TRIOBP: variants seen among roughly 807,000 people sequenced by gnomAD.
TRIOBP encodes the protein TRIO and F-actin binding protein, also known as TRIO and F-actin-binding protein.
A neutral mutation model predicts 238.8 loss-of-function variants in TRIOBP; 169 were observed. The observed-to-expected ratio is 0.71, with a 90% CI of 0.62 to 0.80. TRIOBP has a LOEUF of 0.80. TRIOBP is among the 30% of genes least tolerant of loss of function. TRIOBP has a pLI of 0.00. For synonymous variants in TRIOBP, 1,150 were observed against 1,274.4 expected (o/e 0.90, Z 2.08); for missense variants, 2,838 against 3,122.6 (o/e 0.91, Z 2.17).
At chr22:37,715,978 GC>G in intron 6 of TRIOBP, 44 bp downstream of exon 6, 1 of 1,608,178 alleles carries the variant, frequency 6.2e-7, no homozygotes, top group Admixed American at 1.7e-5. Context: ...ATGGCCTGGG[GC>G]CCCCCAGATA....
intron 6 of TRIOBP, among the ~76,000 whole-genome samples, chr22:37,719,991 C>CACTGCACTCA (rs1923740437): frequency 2.8e-5 from 1 of 35,722 alleles, no homozygotes; most frequent in Non-Finnish European, 8.1e-5. Context: ...TCACTCATCC[C>CACTGCACTCA]CCCCCGCCCT....
At chr22:37,765,544 C>G in intron 17 of TRIOBP, 126 bp from the exon 18 acceptor site, 2 of 1,276,644 alleles carry the variant, frequency 1.6e-6, no homozygotes, top group Non-Finnish European at 2.2e-6. Context: ...CAGGTGCAGA[C>G]TGGAGGTGCT....
At position 37,715,782 on chromosome 22, in the gene TRIOBP, G is replaced by C. The variant is rs138090314; in HGVS notation, c.476G>C (p.Arg159Thr). 3 of 1,614,068 alleles carry C rather than the reference G, an allele frequency of 1.9e-6. No individual in the cohort carries two copies. The highest frequency in any genetic ancestry group is 2.5e-6 in the Non-Finnish European group (3 of 1,180,022). The change falls in exon 6 of 24, where the codon AGG becomes ACG. Residue 159 changes from arginine (R) to threonine (T), a missense_variant. Coordinates refer to ENST00000644935, the MANE Select transcript of TRIOBP (RefSeq NM_001039141.3). ...SSSVDWDTVE[R>T]QEEEAPSWDE... ...TGGCAGGACTGGGACACTGTTGAGA[G>C]GCAGGAGGAGGAGGCCCCCAGCTGG...
intron 11 of TRIOBP, among the ~76,000 whole-genome samples, chr22:37,748,365 G>C (rs570421330): frequency 6.6e-6 from 1 of 152,252 alleles, no homozygotes; most frequent in East Asian, 1.9e-4. Context: ...AGTGTGTGAG[G>C]CTCCGGGGCT....
rs739138 is a variant in TRIOBP at position 37,726,455 on chromosome 22, A to G, written c.3899A>G (p.His1300Arg). 1,117,594 of 1,561,442 alleles carry G rather than the reference A, an allele frequency of 0.72. 410,177 individuals are homozygous for G. Among genetic ancestry groups the G allele is most frequent in the East Asian group, 0.93 (40,140 of 43,260 alleles). Residue 1300 changes from histidine (H) to arginine (R), a missense_variant, in exon 7 of 24, where the codon CAC becomes CGC. Coordinates refer to ENST00000644935, the MANE Select transcript of TRIOBP (RefSeq NM_001039141.3). The part of the protein sequence containing the change: ...QAQCSSGGRT[H>R]SPGRAEVERL... ...CAGTGCAGCAGCGGGGGCCGCACCC[A>G]CAGCCCTGGCCGTGCAGAGGTGGAG...
At chr22:37,748,740 T>C (rs1012631743) in intron 11 of TRIOBP, among the ~76,000 whole-genome samples, 1 of 152,066 alleles carries the variant, frequency 6.6e-6, no homozygotes, top group Non-Finnish European at 1.5e-5. Flanking sequence ...CAGAGGCCTC[T>C]GAGAGGGGCC....
chr22:37,738,682 G>A lies in TRIOBP; in HGVS notation c.5147G>A (p.Gly1716Asp). The A allele has an allele frequency of 6.2e-7, 1 of 1,613,912 alleles. No homozygotes were observed. Residue 1716 changes from glycine to aspartate, a missense_variant, in exon 10 of 24, where the codon GGC becomes GAC. Transcript: ENST00000644935. The stretch of plus-strand genomic sequence containing the variant: ...CCTGAGGAGTCAGAACCAAGCAGAG[G>A]CCAAGACCCCCTGACTGACCAGAAG... Reference protein sequence around the residue: ...EEPEESEPSRGQDPLTDQKQA... With the variant: ...EEPEESEPSRDQDPLTDQKQA...
chr22:37,737,731 G>T (rs1254677494), intron 9 of TRIOBP, among the ~76,000 whole-genome samples: 4 of 150,982 alleles, frequency 2.6e-5, no homozygotes, highest in African/African-American at 9.8e-5. Context: ...CTCCGGATTT[G>T]CCTCATTGGT....
In TRIOBP at chr22:37,734,394, C is replaced by T; in HGVS notation, c.4063-5C>T. 3 of 1,612,452 alleles carry T rather than the reference C, an allele frequency of 1.9e-6. No individual in the cohort carries two copies. The highest frequency in any genetic ancestry group is 2.5e-6 in the Non-Finnish European group (3 of 1,179,538). On this transcript the variant is annotated splice_region_variant and splice_polypyrimidine_tract_variant and intron_variant, in intron 8 of 23. Coordinates refer to ENST00000644935, the MANE Select transcript of TRIOBP (RefSeq NM_001039141.3). ...GCCTCACCTACCCCCTCACCTCATCCCCAGGTGACCATGCTCCCTGCCAAA... is the reference window on the plus strand; with the variant it reads ...GCCTCACCTACCCCCTCACCTCATCTCCAGGTGACCATGCTCCCTGCCAAA...
Position 37,710,564 on chromosome 22 carries a change from G to A in TRIOBP, c.252G>A (p.Lys84=). The change falls in exon 4 of 24, where the codon AAG becomes AAA. Residue 84 remains lysine, a splice_region_variant and synonymous_variant. Coordinates refer to ENST00000644935, the MANE Select transcript of TRIOBP (RefSeq NM_001039141.3). ...ACCCAGGCCTCAGGCCAGGGCCCAA[G>A]AGGTGGGTAGAGTCCCAGGGCCCAG... The part of the protein sequence containing the change: ...VVDPGLRPGP[K]RGPSPSAGLP... 6.2e-7 allele frequency: 1 copy of A among 1,609,516 alleles called. No homozygotes were observed. Among genetic ancestry groups the A allele is most frequent in the Admixed American group, 1.7e-5 (1 of 59,920 alleles).
In TRIOBP at chr22:37,768,120, G is replaced by A; in HGVS notation, c.6519G>A (p.Glu2173=). Residue 2173 remains glutamate (E), a synonymous_variant, in exon 19 of 24, where the codon GAG becomes GAA. Transcript: ENST00000644935. ...KKAYQEELSR[E]LSKTRSLQQG... ...CCTACCAGGAAGAGCTGAGCCGAGA[G>A]CTGAGCAAAACACGGAGTCTCCAGC... 6.2e-7 allele frequency: 1 copy of A among 1,613,780 alleles called. No individual in the cohort carries two copies. The highest frequency in any genetic ancestry group is 8.5e-7 in the Non-Finnish European group (1 of 1,179,848).
chr22:37,712,732 G>A (rs1180916131), intron 4 of TRIOBP, among the ~76,000 whole-genome samples: 4 of 151,724 alleles, frequency 2.6e-5, no homozygotes, highest in Admixed American at 2.6e-4. Context: ...CGAGACGGGC[G>A]GATCACGAGG....
At chr22:37,726,575 G>A in intron 7 of TRIOBP, 72 bp downstream of exon 7, 1 of 1,373,760 alleles carries the variant, frequency 7.3e-7, no homozygotes, top group Non-Finnish European at 9.5e-7. Flanking sequence ...GAAGGGTTAG[G>A]GTGCCAAAAG....
chr22:37,770,667 G>A (rs970495063), intron 21 of TRIOBP, among the ~76,000 whole-genome samples: 2 of 150,952 alleles, frequency 1.3e-5, no homozygotes, highest in Admixed American at 6.6e-5. Context: ...GTGAGCCACC[G>A]TGCCCAGCCG....
intron 6 of TRIOBP, among the ~76,000 whole-genome samples, chr22:37,716,802 G>T (rs749393945): frequency 6.6e-5 from 10 of 152,252 alleles, no homozygotes; most frequent in Non-Finnish European, 1.3e-4. Context: ...CTAGATCAAA[G>T]ATGCAAAGGA....
intron 6 of TRIOBP, among the ~76,000 whole-genome samples, chr22:37,717,980 G>T (rs1258868468): frequency 1.3e-5 from 2 of 152,226 alleles, no homozygotes; most frequent in Non-Finnish European, 2.9e-5. Flanking sequence ...CCCGAGCCCT[G>T]CCCGGTGGGA....
chr22:37,715,986 G>T, intron 6 of TRIOBP, 52 bp downstream of exon 6: 1 of 1,603,510 alleles, frequency 6.2e-7, no homozygotes, highest in South Asian at 1.1e-5. Context: ...GGGCCCCCCA[G>T]ATAGCCATCT....
At position 37,725,296 on chromosome 22, in the gene TRIOBP, A is replaced by G. The variant is rs377671059; in HGVS notation, c.2740A>G (p.Thr914Ala). 110 of 1,613,838 alleles carry G rather than the reference A, an allele frequency of 6.8e-5. No homozygotes were observed. The East Asian group carries it at 1.1e-3, about 16-fold the overall frequency. The change falls in exon 7 of 24, where the codon ACT becomes GCT. Residue 914 changes from threonine to alanine, a missense_variant. Transcript: ENST00000644935. ...IPWASFPLRP[T>A]QSDGPRTSSP... Reference sequence around the variant, plus strand: ...CTGGGCCTCGTTTCCCCTCCGGCCAACTCAGAGTGATGGTCCCCGAACCTC... The same window carrying G: ...CTGGGCCTCGTTTCCCCTCCGGCCAGCTCAGAGTGATGGTCCCCGAACCTC...
At position 37,775,271 on chromosome 22, in the gene TRIOBP, G is replaced by A. The variant is rs1258635295; in HGVS notation, c.*1491G>A. The A allele has an allele frequency of 1.3e-5, 2 of 152,204 alleles. No individual in the cohort carries two copies. Among genetic ancestry groups the A allele is most frequent in the East Asian group, 1.9e-4 (1 of 5,190 alleles). The allele number at this position is 152,204 out of a possible 1,614,324, so 9.4% of individuals were successfully genotyped here. ...GAAGAATCAGGAAGGGCCTTCCCAC[G>A]TGGAGGCACCAGCAGGAGCAAACGT... On this transcript the variant is annotated 3_prime_UTR_variant, in exon 24 of 24. Transcript: ENST00000644935.
Sources: gnomAD v4.1 joint callset for allele counts (sites outside exome capture counted in the v4.1 genomes callset) on GRCh38, gnomAD v4.1.1 for gene constraint, MANE v1.5 for transcripts, NCBI Gene and HGNC (gene_info 2026-07-23, HGNC 2026-07-21) for gene names.